AGO3: variants seen among roughly 807,000 people sequenced by gnomAD.
The protein encoded by AGO3 is protein argonaute-3.
Under a neutral mutation model 105.5 loss-of-function variants are expected in AGO3, and 16 were observed. That is an observed-to-expected ratio of 0.15 (90% CI 0.10 to 0.23). The LOEUF (loss-of-function observed/expected upper bound fraction) is 0.23. Among genes scored for constraint, AGO3 ranks in the 10% least tolerant of loss-of-function variants. The pLI is 1.00. For synonymous variants in AGO3, 340 were observed against 367.3 expected (o/e 0.93, Z 0.85); for missense variants, 534 against 1,088.0 (o/e 0.49, Z 7.16).
At chr1:35,995,680 A>T (rs1648262919) in intron 5 of AGO3, among the ~76,000 whole-genome samples, 1 of 152,114 alleles carries the variant, frequency 6.6e-6, no homozygotes, top group Non-Finnish European at 1.5e-5. Flanking sequence ...GACGAGGCAA[A>T]GATTTTTTTC....
At chr1:35,995,442 A>T (rs1040055284) in intron 5 of AGO3, among the ~76,000 whole-genome samples, 5 of 152,036 alleles carry the variant, frequency 3.3e-5, no homozygotes, top group Non-Finnish European at 5.9e-5. Context: ...TAGCTACCAG[A>T]ATAGACCCAC....
chr1:36,037,735 T>C (rs1297237290), intron 14 of AGO3, among the ~76,000 whole-genome samples: 1 of 152,218 alleles, frequency 6.6e-6, no homozygotes, highest in East Asian at 1.9e-4. Context: ...TATACATGAA[T>C]TATTTTCTTT....
At chr1:35,943,363 A>G (rs1646293140) in intron 1 of AGO3, among the ~76,000 whole-genome samples, 1 of 145,768 alleles carries the variant, frequency 6.9e-6, no homozygotes, top group African/African-American at 2.6e-5. Flanking sequence ...GTGCAGTGGC[A>G]CAATCTCGGC....
At chr1:35,945,237 A>G (rs1381588546) in intron 1 of AGO3, among the ~76,000 whole-genome samples, 2 of 151,244 alleles carry the variant, frequency 1.3e-5, no homozygotes, top group Non-Finnish European at 2.9e-5. Context: ...AATAGAGACA[A>G]GTTCTCTCTC....
intron 5 of AGO3, among the ~76,000 whole-genome samples, chr1:35,974,789 C>T (rs1048879220): frequency 2.0e-5 from 3 of 152,102 alleles, no homozygotes; most frequent in Admixed American, 6.5e-5. Flanking sequence ...TGGAATTTTT[C>T]TGTGGAAAAG....
chr1:36,024,925 T>G (rs538507577), intron 11 of AGO3, among the ~76,000 whole-genome samples: 1 of 152,320 alleles, frequency 6.6e-6, no homozygotes, highest in South Asian at 2.1e-4. Context: ...CTGTTTCCAC[T>G]CATGCTGCCC....
chr1:36,057,790 A>T lies in AGO3; in HGVS notation c.*2045A>T, dbSNP rs1400735771. On this transcript the variant is annotated 3_prime_UTR_variant, in exon 19 of 19. Coordinates refer to ENST00000373191, the MANE Select transcript of AGO3 (RefSeq NM_024852.4). ...TCAGGAGTTTGAGACCAGCCTGGCC[A>T]ACGTGGTGAAACCCCGTCTCTACTA... 1 of 152,214 alleles carries T rather than the reference A, an allele frequency of 6.6e-6. No individual in the cohort carries two copies. Among genetic ancestry groups the T allele is most frequent in the African/African-American group, 2.4e-5 (1 of 41,420 alleles). The allele number at this position is 152,214 out of a possible 1,614,324, so 9.4% of individuals were successfully genotyped here. A position where few individuals can be genotyped will look rare whatever the true frequency, so the allele number is the denominator to read the frequency against.
At chr1:35,975,452 AT>A (rs1452637673) in intron 5 of AGO3, among the ~76,000 whole-genome samples, 1 of 152,040 alleles carries the variant, frequency 6.6e-6, no homozygotes, top group Non-Finnish European at 1.5e-5. Flanking sequence ...TGCTTTCTAA[AT>A]TAAGGAAGTT....
chr1:36,025,143 TACAG>T (rs1265681207), intron 11 of AGO3, among the ~76,000 whole-genome samples: 1 of 152,226 alleles, frequency 6.6e-6, no homozygotes, highest in Non-Finnish European at 1.5e-5. Context: ...TCTTGAGTGA[TACAG>T]AGACCAGTTT....
At position 36,069,251 on chromosome 1, in the gene AGO3, A is replaced by G. The variant is rs1223913343; in HGVS notation, c.*13506A>G. 6.6e-6 allele frequency: 1 copy of G among 151,860 alleles called. No homozygotes were observed. Among genetic ancestry groups the G allele is most frequent in the African/African-American group, 2.4e-5 (1 of 41,368 alleles). The allele number at this position is 151,860 out of a possible 1,614,324, so 9.4% of individuals were successfully genotyped here. A position where few individuals can be genotyped will look rare whatever the true frequency, so the allele number is the denominator to read the frequency against. On this transcript the variant is annotated 3_prime_UTR_variant, in exon 19 of 19. Coordinates refer to ENST00000373191, the MANE Select transcript of AGO3 (RefSeq NM_024852.4). ...CCCAAGTAGCTGGGACTAGAGGTAC[A>G]TGCCACCACACCCAGCTAATTATTT...
chr1:36,062,897 T>C lies in AGO3; in HGVS notation c.*7152T>C, dbSNP rs1179490331. On this transcript the variant is annotated 3_prime_UTR_variant, in exon 19 of 19. Transcript: ENST00000373191. ...ACATTAAACTTTTTTGTTTTTATAA[T>C]GTCTTAATAGCAATTATGAGTTTAT... 1.3e-5 allele frequency: 2 copies of C among 152,244 alleles called. No homozygotes were observed. Among genetic ancestry groups the C allele is most frequent in the Admixed American group, 6.5e-5 (1 of 15,282 alleles). The allele number at this position is 152,244 out of a possible 1,614,324, so 9.4% of individuals were successfully genotyped here. A position where few individuals can be genotyped will look rare whatever the true frequency, so the allele number is the denominator to read the frequency against.
At chr1:36,013,544 T>A (rs1310748988) in intron 9 of AGO3, 86 bp from the exon 10 acceptor site, 1 of 1,529,848 alleles carries the variant, frequency 6.5e-7, no homozygotes, top group Non-Finnish European at 8.9e-7. Context: ...ATGGACACAG[T>A]GAAGAAAAAA....
intron 1 of AGO3, among the ~76,000 whole-genome samples, chr1:35,938,168 A>G (rs1284415825): frequency 1.3e-5 from 2 of 151,842 alleles, no homozygotes; most frequent in Non-Finnish European, 2.9e-5. Context: ...TTTAGTGGAG[A>G]TGGGGTTTCA....
intron 17 of AGO3, among the ~76,000 whole-genome samples, chr1:36,045,955 A>G (rs932569222): frequency 2.6e-5 from 4 of 152,206 alleles, no homozygotes; most frequent in Non-Finnish European, 5.9e-5. Context: ...GAGAACAGAA[A>G]GAAACACTGA....
In AGO3 at chr1:36,056,279, G is replaced by A. The variant is rs948861947; in HGVS notation, c.*534G>A. 5.9e-5 allele frequency: 9 copies of A among 152,224 alleles called. No homozygotes were observed. Among genetic ancestry groups the A allele is most frequent in the African/African-American group, 1.9e-4 (8 of 41,364 alleles). The allele number at this position is 152,224 out of a possible 1,614,324, so 9.4% of individuals were successfully genotyped here. Reference sequence around the variant, plus strand: ...CTGGATTGATAATAGATATATATGTGTCTGTTATATATTTTAGAGTTCATT... The same window carrying A: ...CTGGATTGATAATAGATATATATGTATCTGTTATATATTTTAGAGTTCATT... On this transcript the variant is annotated 3_prime_UTR_variant, in exon 19 of 19. Transcript: ENST00000373191.
At chr1:36,041,665 G>A (rs1642256366) in intron 16 of AGO3, among the ~76,000 whole-genome samples, 2 of 152,248 alleles carry the variant, frequency 1.3e-5, no homozygotes, top group African/African-American at 4.8e-5. Flanking sequence ...ACCAAGTGTT[G>A]TTTCCCCTTG....
rs1339107727 is a variant in AGO3 at position 36,067,166 on chromosome 1, T to A, written c.*11421T>A. 1 of 151,920 alleles carries A rather than the reference T, an allele frequency of 6.6e-6. No individual in the cohort carries two copies. Among genetic ancestry groups the A allele is most frequent in the Non-Finnish European group, 1.5e-5 (1 of 67,972 alleles). The allele number at this position is 151,920 out of a possible 1,614,324, so 9.4% of individuals were successfully genotyped here. The stretch of plus-strand genomic sequence containing the variant: ...GGGCCTTTCCAGACAATGTAGTCTT[T>A]CCTGTAAAGAAAATGGTTTTGGTGT... On this transcript the variant is annotated 3_prime_UTR_variant, in exon 19 of 19. Coordinates refer to ENST00000373191, the MANE Select transcript of AGO3 (RefSeq NM_024852.4).
intron 11 of AGO3, among the ~76,000 whole-genome samples, chr1:36,015,460 C>T (rs913660668): frequency 1.3e-4 from 20 of 152,178 alleles, no homozygotes; most frequent in African/African-American, 4.3e-4. Flanking sequence ...ACTTAACCTT[C>T]GGCCCCTTTC....
chr1:36,009,297 C>T (rs1402605120), intron 8 of AGO3, 178 bp from the exon 9 acceptor site: 1 of 815,638 alleles, frequency 1.2e-6, no homozygotes, highest in Admixed American at 3.1e-5. Context: ...GTACATTTTA[C>T]TTAATTATAC....
Sources: gnomAD v4.1 joint callset for allele counts (sites outside exome capture counted in the v4.1 genomes callset) on GRCh38, gnomAD v4.1.1 for gene constraint, MANE v1.5 for transcripts, NCBI Gene and HGNC (gene_info 2026-07-23, HGNC 2026-07-21) for gene names.